The following TMEM254 variants were observed in gnomAD, a reference collection of about 807,000 sequenced individuals.
TMEM254 encodes transmembrane protein C10orf57.
TMEM254 carries 16 observed loss-of-function variants against 13.9 expected under a neutral mutation model. That is an observed-to-expected ratio of 1.15 (90% CI 0.78 to 1.75). The LOEUF (loss-of-function observed/expected upper bound fraction) is 1.75, where lower values mean the gene tolerates loss of function less well. Among genes scored for constraint, TMEM254 ranks in the 40% most tolerant of loss-of-function variants. The pLI is 0.00. For missense variants in TMEM254, 155 were observed against 149.0 expected, an observed-to-expected ratio of 1.04 and a Z score of -0.21; for synonymous variants, 61 against 56.4, an observed-to-expected ratio of 1.08 and a Z score of -0.36.
chr10:80,085,975 T>C (rs1235532359), intron 3 of TMEM254, among the ~76,000 whole-genome samples: 2 of 152,090 alleles, frequency 1.3e-5, no homozygotes, highest in Non-Finnish European at 2.9e-5. Context: ...GTATGTAGAG[T>C]AGATTTTATT....
chr10:80,081,132 T>TC lies in TMEM254; in HGVS notation c.88-707dup, dbSNP rs111786954. Among the ~76,000 whole-genome samples the TC allele has an allele frequency of 4.8e-3, 730 of 152,200 alleles. 9 individuals are homozygous for TC. The highest frequency in any genetic ancestry group is 0.017 in the African/African-American group (691 of 41,544). Reference sequence around the variant, plus strand: ...TCAGTCGTGGTAGCCATGCCTGTATTCCAGCTACTTGGGGAAGCTGAGTTG... The same window carrying TC: ...TCAGTCGTGGTAGCCATGCCTGTATTCCCAGCTACTTGGGGAAGCTGAGTTG... On this transcript the variant is annotated intron_variant, in intron 1 of 3. Coordinates refer to ENST00000372281, the MANE Select transcript of TMEM254 (RefSeq NM_025125.4).
Position 80,078,667 on chromosome 10 carries a change from C to G in TMEM254, c.-33C>G. The G allele has an allele frequency of 5.1e-6, 8 of 1,566,960 alleles. No individual in the cohort carries two copies. The highest frequency in any genetic ancestry group is 6.9e-6 in the Non-Finnish European group (8 of 1,160,096). ...CCTCCGCGCTCGCGCTCGACGGTGT[C>G]CTGAAGCGCGCTCCCGGGGAGGTGT... On this transcript the variant is annotated 5_prime_UTR_variant, in exon 1 of 4. Coordinates refer to ENST00000372281, the MANE Select transcript of TMEM254 (RefSeq NM_025125.4).
intron 3 of TMEM254, among the ~76,000 whole-genome samples, chr10:80,082,931 A>G (rs1391637455): frequency 6.6e-6 from 1 of 152,150 alleles, no homozygotes; most frequent in African/African-American, 2.4e-5. Context: ...AAGATATACT[A>G]TCACCTCTAT....
At chr10:80,083,999 C>T (rs548773261) in intron 3 of TMEM254, among the ~76,000 whole-genome samples, 55 of 152,226 alleles carry the variant, frequency 3.6e-4, no homozygotes, top group Non-Finnish European at 6.6e-4. Context: ...GCACGAGAAT[C>T]GCTTGAATCC....
chr10:80,085,407 G>GA (rs964455740), intron 3 of TMEM254, among the ~76,000 whole-genome samples: 10 of 149,236 alleles, frequency 6.7e-5, no homozygotes, highest in East Asian at 2.0e-4. Flanking sequence ...CTAAAAATAT[G>GA]AAAAAAAAAA....
chr10:80,080,351 A>G (rs1318062250), intron 1 of TMEM254, among the ~76,000 whole-genome samples: 1 of 152,250 alleles, frequency 6.6e-6, no homozygotes, highest in Non-Finnish European at 1.5e-5. Context: ...TATTCTCAGA[A>G]AAGTCTTAGC....
At chr10:80,090,091 T>A (rs1246090046) in intron 3 of TMEM254, among the ~76,000 whole-genome samples, 1 of 152,208 alleles carries the variant, frequency 6.6e-6, no homozygotes, top group Non-Finnish European at 1.5e-5. Context: ...AATCTGTTAC[T>A]GTAGAAAATT....
chr10:80,081,083 T>C (rs1843992886), intron 1 of TMEM254, among the ~76,000 whole-genome samples: 1 of 149,758 alleles, frequency 6.7e-6, no homozygotes, highest in South Asian at 2.1e-4. Context: ...CCATCTAAAA[T>C]AAATAAATAA....
chr10:80,081,726 G>A (rs764773986), intron 1 of TMEM254, 115 bp from the exon 2 acceptor site: 1 of 1,608,980 alleles, frequency 6.2e-7, no homozygotes, highest in South Asian at 1.1e-5. Flanking sequence ...ACTGTTCAGA[G>A]TTTCTTCGGT....
intron 3 of TMEM254, among the ~76,000 whole-genome samples, 167 bp downstream of exon 3, chr10:80,082,371 A>G (rs1308218852): frequency 6.6e-6 from 1 of 152,146 alleles, no homozygotes; most frequent in Non-Finnish European, 1.5e-5. Context: ...TACCCAGTAA[A>G]TGTTTGATGA....
At position 80,078,738 on chromosome 10, in the gene TMEM254, C is replaced by G; in HGVS notation, c.39C>G (p.Gly13=). The change falls in exon 1 of 4, where the codon GGC becomes GGG. Residue 13 remains glycine (G), a synonymous_variant. Transcript: ENST00000372281. ...TAAGATYFQR[G]SLFWFTVITL... ...CCGGCGCGACCTACTTTCAGCGAGG[C>G]AGTCTGTTCTGGTTCACAGTCATCA... The G allele has an allele frequency of 1.2e-6, 2 of 1,608,674 alleles. No homozygotes were observed. The highest frequency in any genetic ancestry group is 1.7e-4 in the Middle Eastern group (1 of 6,050).
intron 3 of TMEM254, among the ~76,000 whole-genome samples, chr10:80,089,679 G>GA (rs1219216084): frequency 1.5e-5 from 1 of 65,036 alleles, no homozygotes; most frequent in Admixed American, 1.3e-4. Flanking sequence ...CCCCATCTCT[G>GA]GGGGGGTTGG....
intron 3 of TMEM254, among the ~76,000 whole-genome samples, chr10:80,085,656 G>A (rs1235267244): frequency 2.6e-5 from 4 of 152,056 alleles, no homozygotes; most frequent in Admixed American, 2.6e-4. Context: ...ATTAAAAAGG[G>A]TATCTAGCCA....
At chr10:80,078,821 A>G (rs759827152) in intron 1 of TMEM254, 35 bp downstream of exon 1, 1 of 1,568,522 alleles carries the variant, frequency 6.4e-7, no homozygotes, top group Non-Finnish European at 8.6e-7. Context: ...CGGTCTGACG[A>G]ACGAGCGAGC....
At chr10:80,081,094 A>G (rs1431755961) in intron 1 of TMEM254, among the ~76,000 whole-genome samples, 4 of 151,876 alleles carry the variant, frequency 2.6e-5, no homozygotes, top group Non-Finnish European at 5.9e-5. Flanking sequence ...AAATAAATAA[A>G]TAAATAAATT....
At position 80,081,745 on chromosome 10, in the gene TMEM254, A is replaced by AT. The variant is rs767274058; in HGVS notation, c.88-89dup. The stretch of plus-strand genomic sequence containing the variant: ...TTCAGAGTTTCTTCGGTCTGTGGTA[A>AT]TTTTTTTACTGTTTCACAGCCTTTC... On this transcript the variant is annotated intron_variant, in intron 1 of 3. Transcript: ENST00000372281. 7.0e-5 allele frequency: 112 copies of AT among 1,609,474 alleles called. No homozygotes were observed. The East Asian group carries it at 8.9e-4, about 13-fold the overall frequency.
At chr10:80,087,734 C>T (rs1844384423) in intron 3 of TMEM254, among the ~76,000 whole-genome samples, 1 of 152,134 alleles carries the variant, frequency 6.6e-6, no homozygotes, top group African/African-American at 2.4e-5. Flanking sequence ...ATTTATTCTT[C>T]TAACATAAAT....
At chr10:80,079,208 C>CGGGGG in intron 1 of TMEM254, 1 of 480,792 alleles carries the variant, frequency 2.1e-6, no homozygotes, top group Non-Finnish European at 3.6e-6. Flanking sequence ...TGGGGCGGGG[C>CGGGGG]GGGCCTCTGT....
chr10:80,090,018 AAAAG>A (rs1844505110), intron 3 of TMEM254, among the ~76,000 whole-genome samples: 1 of 152,058 alleles, frequency 6.6e-6, no homozygotes, highest in Admixed American at 6.6e-5. Flanking sequence ...AAAAAAAAAA[AAAAG>A]AAATTTGTCA....
Sources: gnomAD v4.1 joint callset for allele counts (sites outside exome capture counted in the v4.1 genomes callset) on GRCh38, gnomAD v4.1.1 for gene constraint, MANE v1.5 for transcripts, NCBI Gene and HGNC (gene_info 2026-07-23, HGNC 2026-07-21) for gene names.